The following USP9X variants were observed in gnomAD, a reference collection of about 807,000 sequenced individuals.
The protein encoded by USP9X is ubiquitin carboxyl-terminal hydrolase 9X.
Under a neutral mutation model 190.3 loss-of-function variants are expected in USP9X, and 7 were observed. That is an observed-to-expected ratio of 0.04 (90% CI 0.02 to 0.07). USP9X has a LOEUF of 0.07. USP9X is among the 10% of genes least tolerant of loss of function. The pLI, the probability that USP9X is intolerant of heterozygous loss-of-function variation, is 1.00. For missense variants in USP9X, 1,010 were observed against 1,916.9 expected (o/e 0.53, Z 8.83); for synonymous variants, 645 against 659.5 (o/e 0.98, Z 0.34).
intron 1 of USP9X, among the ~76,000 whole-genome samples, chrX:41,112,619 T>C (rs2062118453): frequency 8.9e-6 from 1 of 111,742 alleles, no homozygotes; most frequent in Non-Finnish European, 1.9e-5. Context: ...CACAGAGAAC[T>C]TTTGAATGGA....
intron 1 of USP9X, among the ~76,000 whole-genome samples, chrX:41,109,759 C>G (rs1460973934): frequency 1.2e-5 from 1 of 85,259 alleles, no homozygotes; most frequent in Non-Finnish European, 2.6e-5. Context: ...GAAGTAGCAT[C>G]ACACTGGGGA....
intron 1 of USP9X, among the ~76,000 whole-genome samples, chrX:41,119,967 TAAC>T (rs1294068952): frequency 5.4e-5 from 6 of 111,487 alleles, no homozygotes; most frequent in Non-Finnish European, 5.7e-5. Flanking sequence ...ATAAAATGGA[TAAC>T]AAAAGCGAAA....
chrX:41,136,185 A>G (rs768466523), intron 5 of USP9X, among the ~76,000 whole-genome samples: 1 of 111,733 alleles, frequency 8.9e-6, no homozygotes, highest in South Asian at 3.7e-4. Flanking sequence ...TTTGAGACAG[A>G]GTCTTGCTCT....
At chrX:41,210,061 T>C (rs1265707145) in intron 32 of USP9X, among the ~76,000 whole-genome samples, 1 of 112,149 alleles carries the variant, frequency 8.9e-6, no homozygotes, top group Non-Finnish European at 1.9e-5. Flanking sequence ...AGTAACTAGA[T>C]CTGATCTTTT....
At chrX:41,090,947 CATTAAT>C (rs1395151920) in intron 1 of USP9X, among the ~76,000 whole-genome samples, 1 of 111,431 alleles carries the variant, frequency 9.0e-6, no homozygotes, top group Middle Eastern at 4.6e-3. Context: ...CTACTATAAA[CATTAAT>C]ATCTGTTAAG....
In USP9X at chrX:41,234,198, C is replaced by T. The variant is rs2063384906; in HGVS notation, c.*1674C>T. 9.0e-6 allele frequency: 1 copy of T among 111,482 alleles called. No homozygotes were observed. Among genetic ancestry groups the T allele is most frequent in the Admixed American group, 9.6e-5 (1 of 10,419 alleles). The allele number at this position is 111,482 out of a possible 1,213,427, so 9.2% of individuals were successfully genotyped here. A position where few individuals can be genotyped will look rare whatever the true frequency, so the allele number is the denominator to read the frequency against. On this transcript the variant is annotated 3_prime_UTR_variant, in exon 45 of 45. Coordinates refer to ENST00000378308, the MANE Select transcript of USP9X (RefSeq NM_001039591.3). ...CCCTCTACTGAAGATTTTGAGAAAT[C>T]AGGATGTTGACACTGTAAAAGTTTC... is the stretch of plus-strand genomic sequence containing the variant.
chrX:41,202,940 G>GT (rs759537635), intron 31 of USP9X, among the ~76,000 whole-genome samples: 1 of 111,507 alleles, frequency 9.0e-6, no homozygotes, highest in Non-Finnish European at 1.9e-5. Context: ...TTTTTGTGGG[G>GT]TTTTTTGGGT....
In USP9X at chrX:41,207,862, C is replaced by G. The variant is rs141780060; in HGVS notation, c.5015+2369C>G. On this transcript the variant is annotated intron_variant, in intron 32 of 44. Coordinates refer to ENST00000378308, the MANE Select transcript of USP9X (RefSeq NM_001039591.3). ...TTGCGTGGACCACCCTCCCTCCCAT[C>G]TCTCATTTTGCTTTTAGTCCCGTCA... is the stretch of plus-strand genomic sequence containing the variant. 1.9e-3 allele frequency among the ~76,000 whole-genome samples: 211 copies of G among 110,389 alleles called. 1 individual carries two copies. The highest frequency in any genetic ancestry group is 3.4e-3 in the Admixed American group (35 of 10,351).
intron 33 of USP9X, 79 bp from the exon 34 acceptor site, chrX:41,214,489 C>T: frequency 1.1e-6 from 1 of 949,969 alleles, no homozygotes; most frequent in Admixed American, 4.9e-5. Context: ...AAAAAAAAGG[C>T]AAATGTAGTT....
chrX:41,146,863 T>C (rs925479768), intron 11 of USP9X, among the ~76,000 whole-genome samples: 8 of 110,200 alleles, frequency 7.3e-5, no homozygotes, highest in African/African-American at 2.3e-4. Flanking sequence ...ATAGATGTTC[T>C]TAATTTCTCC....
chrX:41,131,005 C>T (rs1483238862), intron 3 of USP9X, among the ~76,000 whole-genome samples: 2 of 108,575 alleles, frequency 1.8e-5, no homozygotes, highest in African/African-American at 3.4e-5. Context: ...GGATTAGAGG[C>T]GTGAGCCACT....
chrX:41,190,435 A>G (rs1382641106), intron 26 of USP9X, among the ~76,000 whole-genome samples: 1 of 111,001 alleles, frequency 9.0e-6, no homozygotes, highest in Admixed American at 9.6e-5. Flanking sequence ...AGTCCAGCCT[A>G]TTCAGAAACT....
intron 43 of USP9X, 82 bp downstream of exon 43, chrX:41,229,861 A>G (rs1401058242): frequency 3.4e-6 from 4 of 1,167,571 alleles, no homozygotes; most frequent in Non-Finnish European, 4.6e-6. Flanking sequence ...GTGTTTATGT[A>G]TTAATGATAT....
intron 14 of USP9X, among the ~76,000 whole-genome samples, chrX:41,159,467 A>G (rs2062608370): frequency 8.9e-6 from 1 of 112,189 alleles, no homozygotes; most frequent in Admixed American, 9.4e-5. Flanking sequence ...ATGAACTTTG[A>G]AAACATTATG....
intron 38 of USP9X, among the ~76,000 whole-genome samples, chrX:41,222,246 G>A (rs1169406345): frequency 1.8e-5 from 2 of 111,652 alleles, no homozygotes; most frequent in Non-Finnish European, 3.8e-5. Flanking sequence ...TGAGAAGATA[G>A]CCTGGCATGG....
At position 41,196,570 on chromosome X, in the gene USP9X, T is replaced by C. The variant is rs780155156; in HGVS notation, c.4087-22T>C. 4 of 1,200,250 alleles carry C rather than the reference T, an allele frequency of 3.3e-6. No homozygotes were observed. The East Asian group carries it at 1.2e-4, about 35-fold the overall frequency. ...TTTTGAGGATGGACGTGTAAATTGA[T>C]ATTATTCTACTCTGTTTCCAGAGCA... On this transcript the variant is annotated intron_variant, in intron 27 of 44. Transcript: ENST00000378308.
At position 41,170,201 on chromosome X, in the gene USP9X, A is replaced by T; in HGVS notation, c.2843A>T (p.Lys948Met). 8.3e-7 allele frequency: 1 copy of T among 1,211,329 alleles called. No individual in the cohort carries two copies. The highest frequency in any genetic ancestry group is 1.1e-6 in the Non-Finnish European group (1 of 895,081). ...GELIDPADDR[K>M]LIGQLNLKDK... ...CTGATAGATCCTGCAGATGATAGAA[A>T]GTTGATTGGACAATTAAACTTAAAA... is the stretch of plus-strand genomic sequence containing the variant. The change falls in exon 19 of 45, where the codon AAG (lysine) becomes ATG (methionine). Residue 948 changes from lysine to methionine, a missense_variant. By Grantham distance (95) the Lys-to-Met change is moderately conservative. Around this residue, in one of 11 missense-constraint regions of USP9X, gnomAD observed 351 missense variants for 480.8 expected, o/e 0.73. Transcript: ENST00000378308.
intron 4 of USP9X, among the ~76,000 whole-genome samples, chrX:41,132,438 G>T (rs1436494407): frequency 9.3e-6 from 1 of 107,868 alleles, no homozygotes; most frequent in Non-Finnish European, 1.9e-5. Flanking sequence ...CGAGTAGCTG[G>T]GATTACAGGC....
At position 41,170,070 on chromosome X, in the gene USP9X, A is replaced by G. The variant is rs762988479; in HGVS notation, c.2712A>G (p.Val904=). The G allele has an allele frequency of 3.3e-6, 4 of 1,211,424 alleles. No individual in the cohort carries two copies. In the South Asian group the frequency reaches 5.3e-5, roughly 16 times the overall value. ...NQGRQVDDLE[V]WSHTNDTIGS... ...GCAGACAGGTTGATGACTTGGAGGTATGGTCTCATACAAATGATACAATTG... is the reference window on the plus strand; with the variant it reads ...GCAGACAGGTTGATGACTTGGAGGTGTGGTCTCATACAAATGATACAATTG... The change falls in exon 19 of 45, where the codon GTA becomes GTG. Residue 904 remains valine, a synonymous_variant. Coordinates refer to ENST00000378308, the MANE Select transcript of USP9X (RefSeq NM_001039591.3).
Sources: gnomAD v4.1 joint callset for allele counts (sites outside exome capture counted in the v4.1 genomes callset) on GRCh38, gnomAD v4.1.1 for gene constraint, gnomAD v4.1.1 regional missense constraint, MANE v1.5 for transcripts, NCBI Gene and HGNC (gene_info 2026-07-23, HGNC 2026-07-21) for gene names.